The following TSNARE1 variants were observed in gnomAD, a reference collection of about 807,000 sequenced individuals.
The protein encoded by TSNARE1 is t-SNARE domain containing 1, also known as t-SNARE domain-containing protein 1.
In TSNARE1, 49 loss-of-function variants were observed where a neutral mutation model predicts 62.0. That is an observed-to-expected ratio of 0.79 (90% confidence interval 0.63 to 1.00). The LOEUF is 1.00. Ranked by LOEUF, TSNARE1 falls within the 50% of genes least tolerant of loss-of-function variation. The pLI is 0.00. For synonymous variants in TSNARE1, 328 were observed against 294.4 expected (o/e 1.11, Z -1.17); for missense variants, 755 against 700.1 (o/e 1.08, Z -0.88).
At chr8:142,392,947 GAAAAA>G (rs374805854) in intron 1 of TSNARE1, among the ~76,000 whole-genome samples, 7 of 109,538 alleles carry the variant, frequency 6.4e-5, no homozygotes, top group African/African-American at 2.3e-4. Flanking sequence ...AGGAGAAAAA[GAAAAA>G]AAAAAAAAAA....
chr8:142,356,520 T>C (rs1040960668), intron 1 of TSNARE1, among the ~76,000 whole-genome samples: 9 of 152,110 alleles, frequency 5.9e-5, no homozygotes, highest in African/African-American at 2.2e-4. Context: ...TCTGCACATG[T>C]GCCGGGGCCT....
intron 13 of TSNARE1, among the ~76,000 whole-genome samples, chr8:142,227,494 C>T (rs1032462307): frequency 6.7e-6 from 1 of 149,836 alleles, no homozygotes; most frequent in African/African-American, 2.5e-5. Context: ...CCCATTCCTG[C>T]CCATAACCCC....
intron 1 of TSNARE1, among the ~76,000 whole-genome samples, chr8:142,357,758 G>A (rs577515373): frequency 5.9e-5 from 9 of 152,326 alleles, no homozygotes; most frequent in South Asian, 2.1e-4. Flanking sequence ...TGCAGAACGC[G>A]AGTCCACTGT....
intron 1 of TSNARE1, among the ~76,000 whole-genome samples, chr8:142,396,896 C>T (rs1210591232): frequency 1.3e-5 from 2 of 152,226 alleles, no homozygotes; most frequent in South Asian, 2.1e-4. Context: ...GTCTACTGTG[C>T]GAGCTGGCCG....
chr8:142,363,690 T>C (rs1439649826), intron 1 of TSNARE1, among the ~76,000 whole-genome samples: 1 of 152,164 alleles, frequency 6.6e-6, no homozygotes, highest in Non-Finnish European at 1.5e-5. Flanking sequence ...CTGTGACTGA[T>C]GTCCCCTGGA....
intron 11 of TSNARE1, among the ~76,000 whole-genome samples, chr8:142,280,628 G>C (rs908869449): frequency 6.6e-6 from 1 of 152,200 alleles, no homozygotes; most frequent in African/African-American, 2.4e-5. Context: ...GCTGGCATGA[G>C]TGCCCCTCGT....
At chr8:142,236,212 T>C (rs35747710) in intron 12 of TSNARE1, among the ~76,000 whole-genome samples, 36,553 of 151,814 alleles carry the variant, frequency 0.24, 5,586 homozygotes, top group African/African-American at 0.43. Context: ...AAGACAAAAA[T>C]GCAAAGAGGG....
At chr8:142,280,228 A>G in intron 11 of TSNARE1, 1 of 985,212 alleles carries the variant, frequency 1.0e-6, no homozygotes. Context: ...GCCCGGCCGC[A>G]GGGGTGTGGA....
chr8:142,318,569 G>A lies in TSNARE1; in HGVS notation c.959C>T (p.Ala320Val). ...AASASSVKQM[A>V]ELLRSSCPQE... The stretch of plus-strand genomic sequence containing the variant: ...CGGGCAGGAGCTGCGCAGCAGCTCG[G>A]CCATCTGCTTCACGGAGCTGGCGCT... Residue 320 changes from alanine (A) to valine (V), a missense_variant, in exon 7 of 14, where the codon GCC (alanine) becomes GTC (valine). Physicochemically the swap from Ala to Val is moderately conservative, Grantham distance 64 (BLOSUM62 0). Transcript: ENST00000524325. 1 of 1,613,456 alleles carries A rather than the reference G, an allele frequency of 6.2e-7. No homozygotes were observed. The highest frequency in any genetic ancestry group is 8.5e-7 in the Non-Finnish European group (1 of 1,179,992).
chr8:142,327,737 GC>G (rs1264201427), intron 6 of TSNARE1, among the ~76,000 whole-genome samples: 2 of 152,198 alleles, frequency 1.3e-5, no homozygotes, highest in African/African-American at 4.8e-5. Flanking sequence ...TGAAAGAGCT[GC>G]CAAGCGAGGG....
At chr8:142,257,708 G>A (rs1451284953) in intron 12 of TSNARE1, among the ~76,000 whole-genome samples, 2 of 152,080 alleles carry the variant, frequency 1.3e-5, no homozygotes, top group Non-Finnish European at 2.9e-5. Flanking sequence ...TCCCCGCGAT[G>A]ACCCAGGGGT....
chr8:142,319,127 A>T lies in TSNARE1; in HGVS notation c.894-493T>A, dbSNP rs1285973719. Among the ~76,000 whole-genome samples the T allele has an allele frequency of 6.6e-6, 1 of 151,734 alleles. No individual in the cohort carries two copies. The highest frequency in any genetic ancestry group is 1.5e-5 in the Non-Finnish European group (1 of 67,910). On this transcript the variant is annotated intron_variant, in intron 6 of 13. Coordinates refer to ENST00000524325, the MANE Select transcript of TSNARE1 (RefSeq NM_145003.5). This position sits in a 1 kb window ranked among gnomAD's most constrained non-coding sequence, Gnocchi z 4.9. ...AGAACAGTGGCAGCCGGGCCCCACC[A>T]ATCGGCCACTGCGAGGACCACCTTG...
chr8:142,329,832 A>T (rs2131984927), intron 6 of TSNARE1, among the ~76,000 whole-genome samples: 1 of 152,336 alleles, frequency 6.6e-6, no homozygotes, highest in East Asian at 1.9e-4. Flanking sequence ...CAGTTTTATA[A>T]AAGAGCTTAA....
chr8:142,249,802 C>A (rs1818068783), intron 12 of TSNARE1, among the ~76,000 whole-genome samples: 1 of 152,218 alleles, frequency 6.6e-6, no homozygotes, highest in South Asian at 2.1e-4. Flanking sequence ...TACCTAGAGC[C>A]CATGATGTCT....
chr8:142,276,617 T>C, intron 11 of TSNARE1: 2 of 985,390 alleles, frequency 2.0e-6, no homozygotes, highest in South Asian at 9.4e-5. Flanking sequence ...GGCTGGACAC[T>C]TTCTCTGCCC....
At chr8:142,221,520 T>C (rs1468764630) in intron 13 of TSNARE1, among the ~76,000 whole-genome samples, 5 of 152,260 alleles carry the variant, frequency 3.3e-5, no homozygotes, top group Non-Finnish European at 5.9e-5. Flanking sequence ...GATTGATCGT[T>C]GCCTGGATAC....
At chr8:142,295,697 G>A (rs998582551) in intron 10 of TSNARE1, among the ~76,000 whole-genome samples, 2 of 152,148 alleles carry the variant, frequency 1.3e-5, no homozygotes, top group Non-Finnish European at 2.9e-5. Context: ...AGAGAAAAAG[G>A]AAGATGCCCA....
chr8:142,353,330 C>CGCTGTA (rs1229175190), intron 2 of TSNARE1, among the ~76,000 whole-genome samples: 2 of 152,292 alleles, frequency 1.3e-5, no homozygotes, highest in East Asian at 3.9e-4. Flanking sequence ...TCCTGCCCAA[C>CGCTGTA]TCCTGGCACA....
chr8:142,398,955 G>T (rs1383479684), intron 1 of TSNARE1, among the ~76,000 whole-genome samples: 2 of 152,222 alleles, frequency 1.3e-5, no homozygotes, highest in African/African-American at 4.8e-5. Flanking sequence ...CAAGCCGCAA[G>T]TTGACGAGAG....
Sources: allele counts gnomAD v4.1 joint callset (sites outside exome capture counted in the v4.1 genomes callset), GRCh38; gene constraint gnomAD v4.1.1; non-coding constraint Gnocchi (gnomAD v3.1); transcripts MANE v1.5; gene names NCBI Gene and HGNC (gene_info 2026-07-23, HGNC 2026-07-21).